Variants in GRID2 observed in about 807,000 individuals in gnomAD.
The protein encoded by GRID2 is glutamate receptor ionotropic, delta-2.
In GRID2, 33 loss-of-function variants were observed where a neutral mutation model predicts 114.8. The ratio of observed to expected loss-of-function variants is 0.29; its 90% CI spans 0.22 to 0.38. The LOEUF is 0.38. Ranked by LOEUF, GRID2 falls within the 10% of genes least tolerant of loss-of-function variation. The pLI is 1.00. For synonymous variants in GRID2, 505 were observed against 449.9 expected, an observed-to-expected ratio of 1.12 and a Z score of -1.55; for missense variants, 1,184 against 1,257.7, an observed-to-expected ratio of 0.94 and a Z score of 0.89.
chr4:93,533,997 T>A (rs1731768063), intron 13 of GRID2, among the ~76,000 whole-genome samples: 1 of 152,124 alleles, frequency 6.6e-6, no homozygotes, highest in South Asian at 2.1e-4. Flanking sequence ...GCTTATCTGG[T>A]TTCTTTGCTG....
At chr4:92,686,592 G>A (rs1157675671) in intron 2 of GRID2, among the ~76,000 whole-genome samples, 1 of 151,976 alleles carries the variant, frequency 6.6e-6, no homozygotes, top group African/African-American at 2.4e-5. Flanking sequence ...TCTCAGAGCT[G>A]TAAAAACAAC....
chr4:93,704,509 C>T (rs1443190718), intron 14 of GRID2, among the ~76,000 whole-genome samples: 1 of 152,094 alleles, frequency 6.6e-6, no homozygotes, highest in East Asian at 1.9e-4. Context: ...AATGAGATCC[C>T]ATTTGTCAAT....
intron 14 of GRID2, among the ~76,000 whole-genome samples, chr4:93,677,640 C>T (rs980635527): frequency 2.0e-5 from 3 of 152,184 alleles, no homozygotes; most frequent in African/African-American, 7.2e-5. Context: ...CGCGGTTCTG[C>T]AGACACCGCT....
chr4:93,165,225 A>G (rs1738133951), intron 4 of GRID2, among the ~76,000 whole-genome samples: 1 of 152,092 alleles, frequency 6.6e-6, no homozygotes, highest in Non-Finnish European at 1.5e-5. Context: ...GCAACTTACA[A>G]CTGGCGGAAG....
intron 14 of GRID2, among the ~76,000 whole-genome samples, chr4:93,734,544 A>G (rs1211320124): frequency 6.6e-6 from 1 of 152,058 alleles, no homozygotes; most frequent in Admixed American, 6.6e-5. Flanking sequence ...AATTAAAAAT[A>G]AAATGAGTGT....
In GRID2 at chr4:92,535,867, A is replaced by G. The variant is rs189674300; in HGVS notation, c.89-54264A>G. Among the ~76,000 whole-genome samples the G allele has an allele frequency of 3.3e-5, 5 of 152,280 alleles. No individual in the cohort carries two copies. The East Asian group carries it at 9.7e-4, about 30-fold the overall frequency. ...TTGCTCACTTCAGCAGTGAAGCTGC[A>G]GACCTCTGTGGTGAGCGTTACAGCT... On this transcript the variant is annotated intron_variant, in intron 1 of 15. Transcript: ENST00000282020.
At chr4:93,179,878 G>A (rs779425667) in intron 4 of GRID2, among the ~76,000 whole-genome samples, 1 of 152,082 alleles carries the variant, frequency 6.6e-6, no homozygotes, top group Admixed American at 6.6e-5. Flanking sequence ...CTAGGTCCAC[G>A]TTTTGACCTC....
chr4:93,357,135 A>C (rs1051888336), intron 8 of GRID2, among the ~76,000 whole-genome samples: 1 of 151,642 alleles, frequency 6.6e-6, no homozygotes, highest in African/African-American at 2.4e-5. Flanking sequence ...TCCCTCTTAC[A>C]GGTTATAACA....
intron 1 of GRID2, among the ~76,000 whole-genome samples, chr4:93,782,005 T>C (rs921199988): frequency 9.9e-5 from 15 of 152,192 alleles, no homozygotes; most frequent in Non-Finnish European, 2.9e-5. Context: ...CTTCCTTCCA[T>C]TGACTTTGGA....
intron 8 of GRID2, among the ~76,000 whole-genome samples, chr4:93,292,272 A>G (rs962135323): frequency 1.3e-5 from 2 of 152,192 alleles, no homozygotes; most frequent in Admixed American, 1.3e-4. Flanking sequence ...TGTCTTCCCC[A>G]TAGTCCTCAG....
chr4:93,462,029 A>T (rs184818158), intron 11 of GRID2, among the ~76,000 whole-genome samples: 1 of 152,292 alleles, frequency 6.6e-6, no homozygotes, highest in East Asian at 1.9e-4. Flanking sequence ...GTGTCTGATT[A>T]TGGGAAATAG....
At chr4:92,779,045 T>C (rs1007278177) in intron 2 of GRID2, among the ~76,000 whole-genome samples, 5 of 152,100 alleles carry the variant, frequency 3.3e-5, no homozygotes, top group Admixed American at 2.0e-4. Flanking sequence ...ATCATATGTA[T>C]GAAATGTAAG....
At chr4:92,440,589 T>TTTCCTTGAGGAACACTGAGAAGTG (rs1560630860) in intron 1 of GRID2, among the ~76,000 whole-genome samples, 1 of 151,442 alleles carries the variant, frequency 6.6e-6, no homozygotes, top group African/African-American at 2.4e-5. Flanking sequence ...ACTGAGAAGT[T>TTTCCTTGAGGAACACTGAGAAGTG]ATTTCCTTGA....
chr4:93,670,755 G>C (rs114367841), intron 14 of GRID2, among the ~76,000 whole-genome samples: 1 of 152,208 alleles, frequency 6.6e-6, no homozygotes, highest in African/African-American at 2.4e-5. Context: ...TAGTGACATG[G>C]TTGTTTTCCA....
intron 8 of GRID2, among the ~76,000 whole-genome samples, chr4:93,240,783 TA>T (rs1747421034): frequency 1.3e-5 from 2 of 150,934 alleles, no homozygotes; most frequent in African/African-American, 4.9e-5. Flanking sequence ...ATATACGGGG[TA>T]AGAAAAAGGT....
intron 2 of GRID2, among the ~76,000 whole-genome samples, chr4:92,737,870 G>T (rs1736679354): frequency 6.6e-6 from 1 of 152,026 alleles, no homozygotes; most frequent in South Asian, 2.1e-4. Flanking sequence ...ATTCAGAGCT[G>T]GAATGTAGGA....
chr4:93,065,717 G>A (rs1187940677), intron 2 of GRID2, among the ~76,000 whole-genome samples: 1 of 151,810 alleles, frequency 6.6e-6, no homozygotes, highest in African/African-American at 2.4e-5. Flanking sequence ...CATGAAGCAG[G>A]TAGCTGGTAG....
intron 13 of GRID2, among the ~76,000 whole-genome samples, chr4:93,573,650 T>C (rs1163684331): frequency 2.0e-5 from 3 of 152,190 alleles, no homozygotes; most frequent in Admixed American, 1.3e-4. Context: ...CTATGAAGTA[T>C]ATCCAGATCC....
chr4:92,773,605 TATA>T (rs1321023119), intron 2 of GRID2, among the ~76,000 whole-genome samples: 4 of 152,004 alleles, frequency 2.6e-5, no homozygotes, highest in Non-Finnish European at 5.9e-5. Context: ...TATTAAAATG[TATA>T]ATGTTATCAA....
Sources: allele counts gnomAD v4.1 joint callset (sites outside exome capture counted in the v4.1 genomes callset), GRCh38; gene constraint gnomAD v4.1.1; transcripts MANE v1.5; gene names NCBI Gene and HGNC (gene_info 2026-07-23, HGNC 2026-07-21).